CFAP69: variants seen among roughly 807,000 people sequenced by gnomAD.
CFAP69 encodes the protein cilia- and flagella-associated protein 69.
CFAP69 carries 92 observed loss-of-function variants against 123.0 expected under a neutral mutation model. That is an observed-to-expected ratio of 0.75 (90% CI 0.63 to 0.89). The LOEUF (loss-of-function observed/expected upper bound fraction) is 0.89, where lower values mean the gene tolerates loss of function less well. Among genes scored for constraint, CFAP69 ranks in the 40% least tolerant of loss-of-function variants. CFAP69 has a pLI of 0.00. For synonymous variants in CFAP69, 380 were observed against 364.3 expected (o/e 1.04, Z -0.49); for missense variants, 1,067 against 1,096.9 (o/e 0.97, Z 0.39).
intron 15 of CFAP69, among the ~76,000 whole-genome samples, chr7:90,293,453 C>A (rs1791490658): frequency 6.6e-6 from 1 of 152,108 alleles, no homozygotes; most frequent in Non-Finnish European, 1.5e-5. Flanking sequence ...CTGAATAATA[C>A]CCCTTTAATT....
At chr7:90,290,112 T>A (rs558251128) in intron 15 of CFAP69, among the ~76,000 whole-genome samples, 1 of 152,248 alleles carries the variant, frequency 6.6e-6, no homozygotes, top group Admixed American at 6.5e-5. Flanking sequence ...GATATTATAT[T>A]AGTCAAGATT....
At chr7:90,259,176 G>A (rs1173440221) in intron 3 of CFAP69, among the ~76,000 whole-genome samples, 1 of 152,108 alleles carries the variant, frequency 6.6e-6, no homozygotes, top group Non-Finnish European at 1.5e-5. Flanking sequence ...ACTTTGGGAG[G>A]CCAAGACAGG....
chr7:90,245,766 G>A lies in CFAP69; in HGVS notation c.120+222G>A, dbSNP rs944653022. Among the ~76,000 whole-genome samples the A allele has an allele frequency of 3.3e-5, 5 of 152,202 alleles. No individual in the cohort carries two copies. The East Asian group carries it at 5.8e-4, about 18-fold the overall frequency. On this transcript the variant is annotated intron_variant, in intron 1 of 22. Coordinates refer to ENST00000389297, the MANE Select transcript of CFAP69 (RefSeq NM_001039706.3). ...GCTGTTGTCAACCATCCTGTCTGGG[G>A]ACCAGCGCTGTGTGGTCCTCCTGGA...
intron 3 of CFAP69, among the ~76,000 whole-genome samples, chr7:90,261,599 T>C (rs145112259): frequency 6.6e-6 from 1 of 152,276 alleles, no homozygotes; most frequent in East Asian, 1.9e-4. Context: ...AAGGGTATAA[T>C]TGAGCCTAAT....
At chr7:90,290,750 CTTTTCTTTTCTTT>C (rs1791015159) in intron 15 of CFAP69, among the ~76,000 whole-genome samples, 1 of 1,980 alleles carries the variant, frequency 5.1e-4, no homozygotes, top group African/African-American at 2.0e-3. Flanking sequence ...AATGTCTTTT[CTTTTCTTTTCTTT>C]TCTTTTCTTT....
At chr7:90,282,498 A>G (rs1429439108) in intron 12 of CFAP69, among the ~76,000 whole-genome samples, 2 of 152,208 alleles carry the variant, frequency 1.3e-5, no homozygotes, top group African/African-American at 4.8e-5. Flanking sequence ...ATAAGAGGAC[A>G]TGAACCAGAA....
At chr7:90,291,725 G>A (rs28949606) in intron 15 of CFAP69, among the ~76,000 whole-genome samples, 2,998 of 152,226 alleles carry the variant, frequency 0.02, 98 homozygotes, top group East Asian at 0.11. Flanking sequence ...GGTCTCTTGT[G>A]TTCAGGGTAC....
At chr7:90,285,179 G>A (rs998017417) in intron 13 of CFAP69, among the ~76,000 whole-genome samples, 3 of 152,080 alleles carry the variant, frequency 2.0e-5, no homozygotes, top group Admixed American at 1.3e-4. Flanking sequence ...CTGATAAAGC[G>A]ATATAGGCCC....
chr7:90,264,750 T>C (rs1229602836), intron 4 of CFAP69, among the ~76,000 whole-genome samples: 4 of 152,112 alleles, frequency 2.6e-5, no homozygotes, highest in Non-Finnish European at 5.9e-5. Flanking sequence ...TTCTTATAAT[T>C]AATATAATAT....
intron 3 of CFAP69, among the ~76,000 whole-genome samples, 167 bp downstream of exon 3, chr7:90,258,330 A>G (rs1244774560): frequency 6.6e-6 from 1 of 152,220 alleles, no homozygotes; most frequent in Non-Finnish European, 1.5e-5. Context: ...AGAAGTCCAA[A>G]ATCAGCCTCA....
Position 90,279,873 on chromosome 7 carries a change from T to A in CFAP69, c.1352T>A (p.Leu451Gln). Residue 451 changes from leucine (L) to glutamine (Q), a missense_variant, in exon 12 of 23, where the codon CTA becomes CAA. Coordinates refer to ENST00000389297, the MANE Select transcript of CFAP69 (RefSeq NM_001039706.3). ...CQGNARVLAF[L>Q]EWCESEDPFF... ...GGAAATGCTCGAGTCCTTGCATTTC[T>A]AGAATGGTGTGAGAGTGAAGGTGAG... The A allele has an allele frequency of 6.2e-7, 1 of 1,605,336 alleles. No individual in the cohort carries two copies. The highest frequency in any genetic ancestry group is 2.2e-5 in the East Asian group (1 of 44,680).
chr7:90,280,002 A>G lies in CFAP69; in HGVS notation c.1372+109A>G, dbSNP rs1584440197. The G allele has an allele frequency of 6.4e-6, 5 of 778,404 alleles. No homozygotes were observed. In the East Asian group the frequency reaches 1.2e-4, roughly 18 times the overall value. The allele number at this position is 778,404 out of a possible 1,614,324, so 48.2% of individuals were successfully genotyped here. A position where few individuals can be genotyped will look rare whatever the true frequency, so the allele number is the denominator to read the frequency against. On this transcript the variant is annotated intron_variant, in intron 12 of 22. Transcript: ENST00000389297. ...GAAGTTAATTAAAGCAATGAGAAGT[A>G]AAAACACACAGACCTATCTTCTTAA...
chr7:90,262,076 C>A lies in CFAP69; in HGVS notation c.356+20C>A. 1.4e-6 allele frequency: 2 copies of A among 1,434,066 alleles called. No homozygotes were observed. The highest frequency in any genetic ancestry group is 2.3e-5 in the East Asian group (1 of 42,992). 88.8% of individuals were successfully genotyped at this position (1,434,066 alleles called of 1,614,324 possible). On this transcript the variant is annotated intron_variant, in intron 4 of 22. Transcript: ENST00000389297. ...GTGTGGGTAAGTTATCTTTCTTTAA[C>A]TTTATTTTGTAGTAACATGGAGTAT...
At chr7:90,250,235 A>AGAGAGAGG (rs1267005649) in intron 1 of CFAP69, among the ~76,000 whole-genome samples, 12 of 134,352 alleles carry the variant, frequency 8.9e-5, no homozygotes, top group African/African-American at 3.4e-4. Context: ...AGAGAGAGAG[A>AGAGAGAGG]CTCCTTGGTT....
intron 18 of CFAP69, 144 bp downstream of exon 18, chr7:90,304,250 A>G (rs749203735): frequency 5.8e-6 from 8 of 1,379,232 alleles, no homozygotes; most frequent in Non-Finnish European, 7.5e-6. Context: ...CCAATTCCCA[A>G]ACTGCACCCC....
At chr7:90,268,605 A>C (rs1214678801) in intron 6 of CFAP69, among the ~76,000 whole-genome samples, 3 of 152,132 alleles carry the variant, frequency 2.0e-5, no homozygotes, top group African/African-American at 7.2e-5. Flanking sequence ...AATATGAACA[A>C]ATTTGTAAAG....
At chr7:90,291,323 T>C (rs1426367969) in intron 15 of CFAP69, among the ~76,000 whole-genome samples, 1 of 152,166 alleles carries the variant, frequency 6.6e-6, no homozygotes, top group Non-Finnish European at 1.5e-5. Context: ...ATGGCATTTG[T>C]AAACTGTCGT....
chr7:90,288,933 T>C (rs2117172067), intron 15 of CFAP69, among the ~76,000 whole-genome samples: 1 of 152,150 alleles, frequency 6.6e-6, no homozygotes, highest in East Asian at 1.9e-4. Context: ...TTTTTGGCTC[T>C]TTTGTAATAA....
chr7:90,270,745 T>C (rs1281359418), intron 6 of CFAP69, among the ~76,000 whole-genome samples: 1 of 152,008 alleles, frequency 6.6e-6, no homozygotes. Context: ...TAAGAAAAAA[T>C]AAAGCCTCAT....
Sources: allele counts gnomAD v4.1 joint callset (sites outside exome capture counted in the v4.1 genomes callset), GRCh38; gene constraint gnomAD v4.1.1; transcripts MANE v1.5; gene names NCBI Gene and HGNC (gene_info 2026-07-23, HGNC 2026-07-21).